Variants in PSKH1 observed in about 807,000 individuals in gnomAD.
PSKH1 encodes the protein protein serine kinase H1.
Under a neutral mutation model 26.7 loss-of-function variants are expected in PSKH1, and 12 were observed. The observed-to-expected ratio is 0.45, with a 90% CI of 0.29 to 0.73. The LOEUF (loss-of-function observed/expected upper bound fraction) is 0.73. Ranked by LOEUF, PSKH1 falls within the 30% of genes least tolerant of loss-of-function variation. The pLI, the probability that PSKH1 is intolerant of heterozygous loss-of-function variation, is 0.11. For synonymous variants in PSKH1, 213 were observed against 234.3 expected, an observed-to-expected ratio of 0.91 and a Z score of 0.83; for missense variants, 431 against 595.2, an observed-to-expected ratio of 0.72 and a Z score of 2.87.
chr16:67,910,007 T>G (rs531453158), intron 2 of PSKH1: 1 of 505,296 alleles, frequency 2.0e-6, no homozygotes, highest in East Asian at 2.9e-5. Flanking sequence ...AGAAATGGAC[T>G]GCCACTGTGG....
chr16:67,898,183 A>G (rs2058131650), intron 1 of PSKH1, among the ~76,000 whole-genome samples: 1 of 152,112 alleles, frequency 6.6e-6, no homozygotes, highest in Non-Finnish European at 1.5e-5. Context: ...TTTTTTGTAG[A>G]GAGGCCAAGA....
chr16:67,922,873 C>T (rs1047112977), intron 2 of PSKH1, among the ~76,000 whole-genome samples: 4 of 152,184 alleles, frequency 2.6e-5, no homozygotes, highest in Admixed American at 6.5e-5. Context: ...AGTCTAGGGC[C>T]GCCCTGTAAG....
chr16:67,922,761 A>T (rs888408243), intron 2 of PSKH1, among the ~76,000 whole-genome samples: 2 of 152,210 alleles, frequency 1.3e-5, no homozygotes, highest in Non-Finnish European at 2.9e-5. Flanking sequence ...TGGGCTTGCA[A>T]TCTAACCCTT....
intron 2 of PSKH1, among the ~76,000 whole-genome samples, chr16:67,913,223 T>C (rs2058178036): frequency 6.6e-6 from 1 of 151,760 alleles, no homozygotes; most frequent in Non-Finnish European, 1.5e-5. Flanking sequence ...CTTGGCTCAC[T>C]GCAGCTTCCG....
intron 2 of PSKH1, among the ~76,000 whole-genome samples, chr16:67,926,282 A>G (rs958710838): frequency 3.9e-5 from 6 of 152,154 alleles, no homozygotes; most frequent in Non-Finnish European, 8.8e-5. Context: ...AGGAAAGGGC[A>G]CCCATCCGGC....
At chr16:67,923,539 C>T (rs1598193901) in intron 2 of PSKH1, among the ~76,000 whole-genome samples, 1 of 152,348 alleles carries the variant, frequency 6.6e-6, no homozygotes, top group East Asian at 1.9e-4. Context: ...AAGCTGTTCT[C>T]TGATCCCAGA....
intron 2 of PSKH1, among the ~76,000 whole-genome samples, chr16:67,924,708 A>C (rs1384378387): frequency 6.6e-6 from 1 of 152,208 alleles, no homozygotes; most frequent in Non-Finnish European, 1.5e-5. Context: ...CTGTTCCAGC[A>C]ACAGGCCAGA....
intron 1 of PSKH1, among the ~76,000 whole-genome samples, chr16:67,894,072 G>A (rs1005761169): frequency 6.6e-6 from 1 of 152,166 alleles, no homozygotes; most frequent in Non-Finnish European, 1.5e-5. Flanking sequence ...AATCAACACC[G>A]GAGCACTTCT....
intron 1 of PSKH1, among the ~76,000 whole-genome samples, chr16:67,895,262 G>A (rs897876376): frequency 1.3e-5 from 2 of 151,130 alleles, no homozygotes; most frequent in Non-Finnish European, 2.9e-5. Context: ...ACGAGGTCTC[G>A]CCATGTTGCC....
At chr16:67,907,695 T>A (rs566278561) in intron 1 of PSKH1, among the ~76,000 whole-genome samples, 1 of 152,222 alleles carries the variant, frequency 6.6e-6, no homozygotes, top group East Asian at 1.9e-4. Flanking sequence ...CAGCCATCCA[T>A]GTAGTGTGCT....
intron 1 of PSKH1, among the ~76,000 whole-genome samples, chr16:67,898,648 G>A (rs1598185681): frequency 6.8e-6 from 1 of 148,024 alleles, no homozygotes; most frequent in Admixed American, 6.7e-5. Context: ...TTTGGAGATG[G>A]AGTCTCGCTC....
At chr16:67,908,471 TG>T (rs1423500303) in intron 1 of PSKH1, among the ~76,000 whole-genome samples, 7 of 152,162 alleles carry the variant, frequency 4.6e-5, no homozygotes, top group Non-Finnish European at 8.8e-5. Flanking sequence ...GTTTTCACCA[TG>T]TTGGCCAGCT....
Position 67,927,393 on chromosome 16 carries a change from C to T in PSKH1, c.1026C>T (p.Ala342=), listed in dbSNP as rs1488576132. 1.2e-6 allele frequency: 2 copies of T among 1,614,190 alleles called. No individual in the cohort carries two copies. The highest frequency in any genetic ancestry group is 1.1e-5 in the South Asian group (1 of 91,084). The part of the protein sequence containing the change: ...IDRLLTVDPG[A]RMTALQALRH... Reference sequence around the variant, plus strand: ...GCCTGCTGACAGTGGACCCTGGAGCCCGTATGACTGCACTGCAGGCCCTGA... The same window carrying T: ...GCCTGCTGACAGTGGACCCTGGAGCTCGTATGACTGCACTGCAGGCCCTGA... Residue 342 remains alanine, a synonymous_variant, in exon 3 of 3, where the codon GCC becomes GCT. Coordinates refer to ENST00000291041, the MANE Select transcript of PSKH1 (RefSeq NM_006742.3). This position sits in a 1 kb window ranked among gnomAD's most constrained non-coding sequence, Gnocchi z 5.5.
At chr16:67,910,095 T>TTTCTG (rs1360034261) in intron 2 of PSKH1, 6 of 418,410 alleles carry the variant, frequency 1.4e-5, no homozygotes, top group African/African-American at 1.2e-4. Flanking sequence ...CGTGAGTTTC[T>TTTCTG]TTTTGTTTTG....
At chr16:67,905,093 T>C (rs112823686) in intron 1 of PSKH1, among the ~76,000 whole-genome samples, 234 of 152,124 alleles carry the variant, frequency 1.5e-3, no homozygotes, top group African/African-American at 5.4e-3. Flanking sequence ...CCCAAAGTGC[T>C]GGGATTACAG....
intron 1 of PSKH1, among the ~76,000 whole-genome samples, chr16:67,902,748 G>A (rs1305133557): frequency 6.6e-6 from 1 of 152,136 alleles, no homozygotes; most frequent in Non-Finnish European, 1.5e-5. Context: ...CCAGGAAGAA[G>A]TGACATCTGA....
At chr16:67,914,557 C>T (rs190869660) in intron 2 of PSKH1, among the ~76,000 whole-genome samples, 18 of 151,982 alleles carry the variant, frequency 1.2e-4, no homozygotes, top group Middle Eastern at 3.4e-3. Flanking sequence ...CAGGTTCCAG[C>T]GATTCTCCTG....
chr16:67,914,890 A>G (rs749953153), intron 2 of PSKH1, among the ~76,000 whole-genome samples: 1 of 152,138 alleles, frequency 6.6e-6, no homozygotes, highest in African/African-American at 2.4e-5. Flanking sequence ...GGAGTGAGGG[A>G]GAGAGATTTC....
At chr16:67,902,259 C>CAAA (rs1033235931) in intron 1 of PSKH1, among the ~76,000 whole-genome samples, 4 of 126,858 alleles carry the variant, frequency 3.2e-5, no homozygotes, top group African/African-American at 1.2e-4. Context: ...GACTCCATCT[C>CAAA]AAAAAAAAAA....
Sources: allele counts gnomAD v4.1 joint callset (sites outside exome capture counted in the v4.1 genomes callset), GRCh38; gene constraint gnomAD v4.1.1; non-coding constraint Gnocchi (gnomAD v3.1); transcripts MANE v1.5; gene names NCBI Gene and HGNC (gene_info 2026-07-23, HGNC 2026-07-21).